The following PRRT1B variants were observed in gnomAD, a reference collection of about 807,000 sequenced individuals.
The protein encoded by PRRT1B is proline rich transmembrane protein 1B.
intron 1 of PRRT1B, among the ~76,000 whole-genome samples, chr9:131,552,369 A>C (rs1951017649): frequency 6.6e-6 from 1 of 152,206 alleles, no homozygotes; most frequent in Non-Finnish European, 1.5e-5. Flanking sequence ...AGGTCATCTC[A>C]GGGTTGGCAT....
intron 3 of PRRT1B, among the ~76,000 whole-genome samples, chr9:131,556,650 T>G (rs905193005): frequency 6.6e-6 from 1 of 151,386 alleles, no homozygotes; most frequent in Admixed American, 6.6e-5. Flanking sequence ...TCTTTTTTTT[T>G]GATACAGAGT....
chr9:131,551,209 T>A lies in PRRT1B; in HGVS notation c.26-3348T>A, dbSNP rs1346117366. Among the ~76,000 whole-genome samples the A allele has an allele frequency of 6.6e-6, 1 of 152,112 alleles. No homozygotes were observed. Among genetic ancestry groups the A allele is most frequent in the Non-Finnish European group, 1.5e-5 (1 of 68,028 alleles). On this transcript the variant is annotated intron_variant, in intron 1 of 3. Transcript: ENST00000636672. The surrounding 1 kb of genome is among the most constrained non-coding windows in gnomAD (Gnocchi z 4.4). The stretch of plus-strand genomic sequence containing the variant: ...CACCCGCTTCAGCCTCCCAAAATGC[T>A]GGGATTACGGGTGTGAGCCACCGCG...
Position 131,551,666 on chromosome 9 carries a change from A to G in PRRT1B, c.26-2891A>G, listed in dbSNP as rs1172373958. Among the ~76,000 whole-genome samples the G allele has an allele frequency of 6.6e-6, 1 of 151,970 alleles. No individual in the cohort carries two copies. Among genetic ancestry groups the G allele is most frequent in the African/African-American group, 2.4e-5 (1 of 41,346 alleles). Reference sequence around the variant, plus strand: ...AAATGGCCTGTTCCTGCCTTAACTGATGACATTACCTTGTGAAATTCCTTC... The same window carrying G: ...AAATGGCCTGTTCCTGCCTTAACTGGTGACATTACCTTGTGAAATTCCTTC... On this transcript the variant is annotated intron_variant, in intron 1 of 3. Transcript: ENST00000636672. This position sits in a 1 kb window ranked among gnomAD's most constrained non-coding sequence, Gnocchi z 4.4.
At chr9:131,555,652 A>G (rs2132012261) in intron 2 of PRRT1B, among the ~76,000 whole-genome samples, 1 of 152,202 alleles carries the variant, frequency 6.6e-6, no homozygotes, top group Admixed American at 6.5e-5. Flanking sequence ...CTCCGGGCTG[A>G]GTGATAGAGC....
intron 1 of PRRT1B, among the ~76,000 whole-genome samples, chr9:131,553,107 G>C (rs183310970): frequency 1.3e-5 from 2 of 152,112 alleles, no homozygotes; most frequent in Non-Finnish European, 2.9e-5. Flanking sequence ...GGAAAGACAT[G>C]CTTTTAAAAA....
intron 1 of PRRT1B, among the ~76,000 whole-genome samples, chr9:131,547,226 G>A (rs549612489): frequency 1.3e-5 from 2 of 151,984 alleles, no homozygotes; most frequent in African/African-American, 2.4e-5. Context: ...TCAGGCCTCC[G>A]AGCCAAAGCT....
intron 1 of PRRT1B, among the ~76,000 whole-genome samples, chr9:131,546,056 C>T (rs1382622678): frequency 6.6e-6 from 1 of 152,110 alleles, no homozygotes; most frequent in Non-Finnish European, 1.5e-5. Flanking sequence ...CTGGGGGCGC[C>T]CCTGCGGGCA....
intron 3 of PRRT1B, among the ~76,000 whole-genome samples, chr9:131,557,421 C>G (rs1951057707): frequency 1.3e-5 from 2 of 152,140 alleles, no homozygotes; most frequent in Non-Finnish European, 2.9e-5. Context: ...CACCTTAGTC[C>G]CAGCTACTCA....
At chr9:131,556,645 T>G (rs1363489470) in intron 3 of PRRT1B, among the ~76,000 whole-genome samples, 1 of 151,982 alleles carries the variant, frequency 6.6e-6, no homozygotes, top group Non-Finnish European at 1.5e-5. Flanking sequence ...CTCTCTCTTT[T>G]TTTTTGATAC....
downstream of PRRT1B, among the ~76,000 whole-genome samples, chr9:131,558,797 A>G (rs551822841): frequency 5.3e-5 from 8 of 152,284 alleles, no homozygotes; most frequent in African/African-American, 1.4e-4. Context: ...TGTCTGGTCA[A>G]TCAACAGAAA....
chr9:131,546,188 T>C (rs1239185964), intron 1 of PRRT1B, among the ~76,000 whole-genome samples: 2 of 148,936 alleles, frequency 1.3e-5, no homozygotes, highest in African/African-American at 5.0e-5. Flanking sequence ...AGCAGGGGAG[T>C]GGGCGACCCT....
At chr9:131,549,230 C>T (rs967868016) in intron 1 of PRRT1B, among the ~76,000 whole-genome samples, 6 of 152,114 alleles carry the variant, frequency 3.9e-5, no homozygotes, top group African/African-American at 9.7e-5. Flanking sequence ...AGTGTATTTC[C>T]GAGTTGCAAT....
At chr9:131,547,256 G>C (rs912293266) in intron 1 of PRRT1B, among the ~76,000 whole-genome samples, 1 of 151,932 alleles carries the variant, frequency 6.6e-6, no homozygotes, top group Non-Finnish European at 1.5e-5. Flanking sequence ...TATCCCCTGT[G>C]AACTGCATGT....
At chr9:131,553,878 G>A (rs1951028220) in intron 1 of PRRT1B, among the ~76,000 whole-genome samples, 1 of 152,188 alleles carries the variant, frequency 6.6e-6, no homozygotes, top group Non-Finnish European at 1.5e-5. Context: ...TTAAGAATTT[G>A]TTGGGACCTG....
chr9:131,550,702 A>C (rs1951004431), intron 1 of PRRT1B, among the ~76,000 whole-genome samples: 1 of 152,038 alleles, frequency 6.6e-6, no homozygotes, highest in African/African-American at 2.4e-5. Context: ...GTTTTAGCTT[A>C]TCCCTCATGT....
chr9:131,548,327 C>A (rs943246696), intron 1 of PRRT1B, among the ~76,000 whole-genome samples: 1 of 152,022 alleles, frequency 6.6e-6, no homozygotes, highest in South Asian at 2.1e-4. Context: ...ACCCTCTATT[C>A]CTCCTTCTTC....
chr9:131,553,468 T>G (rs1402276348), intron 1 of PRRT1B, among the ~76,000 whole-genome samples: 1 of 152,124 alleles, frequency 6.6e-6, no homozygotes. Context: ...GGCAGGTGTA[T>G]GGGGTGCAGG....
intron 1 of PRRT1B, among the ~76,000 whole-genome samples, chr9:131,549,403 C>T (rs561199527): frequency 2.8e-4 from 42 of 149,584 alleles, no homozygotes; most frequent in South Asian, 1.7e-3. Context: ...GCCCCCAGCC[C>T]GGGATTCCTC....
At chr9:131,548,049 C>T (rs929136267) in intron 1 of PRRT1B, among the ~76,000 whole-genome samples, 7 of 152,178 alleles carry the variant, frequency 4.6e-5, no homozygotes, top group Non-Finnish European at 7.3e-5. Context: ...TCCGTGGGGA[C>T]GCCTGCCTTG....
Sources: gnomAD v4.1 joint callset for allele counts (sites outside exome capture counted in the v4.1 genomes callset) on GRCh38, gnomAD v4.1.1 for gene constraint, Gnocchi (gnomAD v3.1) non-coding constraint, MANE v1.5 for transcripts, NCBI Gene and HGNC (gene_info 2026-07-23, HGNC 2026-07-21) for gene names.